Variants in ADGRV1 observed in about 807,000 individuals in gnomAD.
ADGRV1 encodes the protein G-protein coupled receptor 98.
A neutral mutation model predicts 596.2 loss-of-function variants in ADGRV1; 359 were observed. The observed-to-expected ratio is 0.60, with a 90% CI of 0.55 to 0.66. The LOEUF (loss-of-function observed/expected upper bound fraction) is 0.66, where lower values mean the gene tolerates loss of function less well. Among genes scored for constraint, ADGRV1 ranks in the 30% least tolerant of loss-of-function variants. The pLI is 0.00. For missense variants in ADGRV1, 7,274 were observed against 7,575.6 expected, an observed-to-expected ratio of 0.96 and a Z score of 1.48; for synonymous variants, 2,681 against 2,679.2, an observed-to-expected ratio of 1.00 and a Z score of -0.02.
chr5:90,682,184 G>A (rs1297872369), intron 27 of ADGRV1, among the ~76,000 whole-genome samples: 1 of 152,114 alleles, frequency 6.6e-6, no homozygotes, highest in Non-Finnish European at 1.5e-5. Flanking sequence ...ACTTAAGTTA[G>A]CAAGGGGCTC....
chr5:90,779,083 G>A lies in ADGRV1; in HGVS notation c.13068G>A (p.Val4356=). 1 of 1,600,742 alleles carries A rather than the reference G, an allele frequency of 6.2e-7. No individual in the cohort carries two copies. Among genetic ancestry groups the A allele is most frequent in the Non-Finnish European group, 8.6e-7 (1 of 1,168,514 alleles). ...PEEFSLTITK[V]ELQGRGYDFT... is the part of the protein sequence containing the mutation. ...AATTTTCTCTAACAATTACAAAGGT[G>A]GAACTCCAGGGAAGGTAAAGGAGAA... Residue 4356 remains valine, a synonymous_variant, in exon 64 of 90, where the codon GTG becomes GTA. Transcript: ENST00000405460.
rs528986562 is a variant in ADGRV1, at chr5:91,083,297, C to T, written c.18310+10693C>T. ...TAGGAGATATACCTAATGTAAATGA[C>T]GAGTTAATGGGTGCAGCACACCAAC... On this transcript the variant is annotated intron_variant, in intron 86 of 89. Transcript: ENST00000405460. 2.3e-4 allele frequency among the ~76,000 whole-genome samples: 35 copies of T among 151,948 alleles called. 1 individual carries two copies. The East Asian group carries it at 6.6e-3, about 29-fold the overall frequency.
intron 1 of ADGRV1, among the ~76,000 whole-genome samples, chr5:90,594,196 G>C (rs1253779760): frequency 6.6e-6 from 1 of 152,112 alleles, no homozygotes; most frequent in South Asian, 2.1e-4. Context: ...ATCTCATCTT[G>C]ACCTGTAGAT....
chr5:90,979,547 C>A (rs1289973620), intron 84 of ADGRV1, among the ~76,000 whole-genome samples: 2 of 152,036 alleles, frequency 1.3e-5, no homozygotes, highest in African/African-American at 2.4e-5. Flanking sequence ...TGTTGCACTC[C>A]CAGTTCTATA....
intron 38 of ADGRV1, 53 bp from the exon 39 acceptor site, chr5:90,708,763 T>C: frequency 8.7e-7 from 1 of 1,144,994 alleles, no homozygotes; most frequent in Non-Finnish European, 1.3e-6. Context: ...TTTCTGAGGG[T>C]TAATTACTTT....
At chr5:91,147,891 T>C (rs1421426748) in intron 87 of ADGRV1, among the ~76,000 whole-genome samples, 2 of 152,182 alleles carry the variant, frequency 1.3e-5, no homozygotes, top group Admixed American at 1.3e-4. Flanking sequence ...TGAATAGCTT[T>C]AACCAAAATG....
At chr5:90,845,259 C>A (rs544724786) in intron 78 of ADGRV1, among the ~76,000 whole-genome samples, 4 of 152,268 alleles carry the variant, frequency 2.6e-5, no homozygotes, top group African/African-American at 9.6e-5. Flanking sequence ...GCCTTAGTTT[C>A]CCTAACTGGA....
At chr5:90,986,663 T>C (rs1780524157) in intron 85 of ADGRV1, among the ~76,000 whole-genome samples, 1 of 140,668 alleles carries the variant, frequency 7.1e-6, no homozygotes, top group South Asian at 2.3e-4. Context: ...CTAATACTGA[T>C]TATTTTATAT....
Position 90,683,713 on chromosome 5 carries a change from T to C in ADGRV1, c.5792T>C (p.Ile1931Thr). 6.2e-7 allele frequency: 1 copy of C among 1,613,870 alleles called. No individual in the cohort carries two copies. The highest frequency in any genetic ancestry group is 8.5e-7 in the Non-Finnish European group (1 of 1,179,860). The change falls in exon 28 of 90, where the codon ATC (isoleucine) becomes ACC (threonine). Residue 1931 changes from isoleucine (I) to threonine (T), a missense_variant. Ile to Thr is a moderately conservative substitution (Grantham distance 89, BLOSUM62 -1). Coordinates refer to ENST00000405460, the MANE Select transcript of ADGRV1 (RefSeq NM_032119.4). ...GAGATTGGGCAGACGAGCGCCAATA[T>C]CACTGTGGAGATATTGCCTGACGAA... is the stretch of plus-strand genomic sequence containing the variant. ...TFEIGQTSANITVEILPDEDP... is the reference protein window; with the variant it reads ...TFEIGQTSANTTVEILPDEDP...
At chr5:90,828,376 A>G (rs777774180) in intron 76 of ADGRV1, among the ~76,000 whole-genome samples, 1 of 151,684 alleles carries the variant, frequency 6.6e-6, no homozygotes, top group African/African-American at 2.4e-5. Context: ...CTCCAACTCC[A>G]CTCCCTGCCC....
In ADGRV1 at chr5:91,146,931, G is replaced by A. The variant is rs1304960388; in HGVS notation, c.18433-3099G>A. On this transcript the variant is annotated intron_variant, in intron 87 of 89. Transcript: ENST00000405460. ...AATCCCAGCCCTATGGGAGGCCAAG[G>A]TGGGCATATCTCTTGAGCTCAGGGA... Among the ~76,000 whole-genome samples the A allele has an allele frequency of 3.3e-5, 5 of 152,248 alleles. No homozygotes were observed. The East Asian group carries it at 9.7e-4, about 29-fold the overall frequency.
chr5:90,874,403 C>A (rs1769017854), intron 83 of ADGRV1, among the ~76,000 whole-genome samples: 1 of 152,174 alleles, frequency 6.6e-6, no homozygotes, highest in African/African-American at 2.4e-5. Context: ...TTATTCATAT[C>A]ATATATCCAT....
chr5:90,797,257 T>C (rs925692109), intron 70 of ADGRV1, among the ~76,000 whole-genome samples: 1 of 118,840 alleles, frequency 8.4e-6, no homozygotes, highest in African/African-American at 3.4e-5. Flanking sequence ...TATAAAGGGA[T>C]GGAGGAATAT....
chr5:90,940,399 T>C (rs1235038056), intron 83 of ADGRV1, among the ~76,000 whole-genome samples: 2 of 152,208 alleles, frequency 1.3e-5, no homozygotes, highest in East Asian at 3.9e-4. Context: ...AATTTATGAA[T>C]CATCCATGAT....
At chr5:90,676,258 C>A in intron 25 of ADGRV1, 49 bp downstream of exon 25, 1 of 1,556,378 alleles carries the variant, frequency 6.4e-7, no homozygotes. Context: ...TCTACCCATG[C>A]TGATGAAAGT....
chr5:90,876,485 G>T (rs1470763427), intron 83 of ADGRV1, among the ~76,000 whole-genome samples: 4 of 152,158 alleles, frequency 2.6e-5, no homozygotes, highest in Admixed American at 2.6e-4. Flanking sequence ...ACCCCAGGAA[G>T]CCAGAGTAGC....
At chr5:90,637,233 C>T (rs1766329113) in intron 10 of ADGRV1, among the ~76,000 whole-genome samples, 1 of 151,944 alleles carries the variant, frequency 6.6e-6, no homozygotes, top group African/African-American at 2.4e-5. Flanking sequence ...TGGTATTTAT[C>T]CTATTGGTTA....
rs778378576 is a variant in ADGRV1, at chr5:90,689,966, A to T, written c.6596A>T (p.Glu2199Val). Reference protein sequence around the residue: ...VINDIYPELEESFLVQLMNET... With the variant: ...VINDIYPELEVSFLVQLMNET... ...AATGATATCTATCCTGAACTGGAAG[A>T]ATCTTTTCTTGTGCAACTGATGAAT... Residue 2199 changes from glutamate to valine, a missense_variant, in exon 30 of 90, where the codon GAA becomes GTA. Glu to Val is a moderately radical substitution (Grantham distance 121). Coordinates refer to ENST00000405460, the MANE Select transcript of ADGRV1 (RefSeq NM_032119.4). The T allele has an allele frequency of 6.2e-7, 1 of 1,611,420 alleles. No individual in the cohort carries two copies. The highest frequency in any genetic ancestry group is 1.1e-5 in the South Asian group (1 of 90,448).
rs538256796 is a variant in ADGRV1 at position 90,902,544 on chromosome 5, C to T, written c.17856+38687C>T. Among the ~76,000 whole-genome samples, 5 of 152,140 alleles carry T rather than the reference C, an allele frequency of 3.3e-5. No individual in the cohort carries two copies. The South Asian group carries it at 8.3e-4, about 25-fold the overall frequency. ...ATATTTGCTCTGCAAGTCTTAATTCCGTGTTTCAATATATGCGCATCAATA... is the reference window on the plus strand; with the variant it reads ...ATATTTGCTCTGCAAGTCTTAATTCTGTGTTTCAATATATGCGCATCAATA... On this transcript the variant is annotated intron_variant, in intron 83 of 89. Coordinates refer to ENST00000405460, the MANE Select transcript of ADGRV1 (RefSeq NM_032119.4).
Sources: allele counts gnomAD v4.1 joint callset (sites outside exome capture counted in the v4.1 genomes callset), GRCh38; gene constraint gnomAD v4.1.1; transcripts MANE v1.5; gene names NCBI Gene and HGNC (gene_info 2026-07-23, HGNC 2026-07-21).